The following CDH12 variants were observed in gnomAD, a reference collection of about 807,000 sequenced individuals.
CDH12 encodes the protein cadherin-12.
CDH12 carries 41 observed loss-of-function variants against 74.1 expected under a neutral mutation model. That is an observed-to-expected ratio of 0.55 (90% CI 0.43 to 0.72). CDH12 has a LOEUF of 0.72. Ranked by LOEUF, CDH12 falls within the 30% of genes least tolerant of loss-of-function variation. CDH12 has a pLI of 0.00. For synonymous variants in CDH12, 399 were observed against 355.0 expected, an observed-to-expected ratio of 1.12 and a Z score of -1.39; for missense variants, 945 against 977.2, an observed-to-expected ratio of 0.97 and a Z score of 0.44.
chr5:22,166,818 T>C (rs1336185203), intron 4 of CDH12, among the ~76,000 whole-genome samples: 15 of 152,154 alleles, frequency 9.9e-5, no homozygotes, highest in Non-Finnish European at 2.1e-4. Flanking sequence ...CTTTTAGAAA[T>C]GATCACTCCC....
intron 6 of CDH12, among the ~76,000 whole-genome samples, chr5:21,894,613 A>G (rs1168469899): frequency 3.9e-5 from 6 of 152,150 alleles, no homozygotes; most frequent in Non-Finnish European, 8.8e-5. Flanking sequence ...TTTGAAAGAA[A>G]GAAAATCTTT....
intron 3 of CDH12, among the ~76,000 whole-genome samples, chr5:22,237,327 A>G (rs940104813): frequency 1.3e-5 from 2 of 152,138 alleles, no homozygotes; most frequent in African/African-American, 2.4e-5. Context: ...TGCCCAAACT[A>G]TTCCTCATTT....
intron 8 of CDH12, among the ~76,000 whole-genome samples, chr5:21,834,270 T>C (rs1486424115): frequency 6.6e-6 from 1 of 151,914 alleles, no homozygotes; most frequent in Non-Finnish European, 1.5e-5. Context: ...CTCATATATA[T>C]GAATACACAT....
chr5:22,278,940 T>C (rs1014781673), intron 3 of CDH12, among the ~76,000 whole-genome samples: 3 of 152,148 alleles, frequency 2.0e-5, no homozygotes, highest in African/African-American at 7.2e-5. Flanking sequence ...CTCAAGGATA[T>C]TAAACAGTAA....
At chr5:22,073,760 G>T (rs181366123) in intron 5 of CDH12, among the ~76,000 whole-genome samples, 5 of 152,188 alleles carry the variant, frequency 3.3e-5, no homozygotes, top group African/African-American at 1.2e-4. Flanking sequence ...ATGAACATCT[G>T]ATTCTTTAAA....
chr5:22,399,546 A>G (rs1001021946), intron 3 of CDH12, among the ~76,000 whole-genome samples: 1 of 152,116 alleles, frequency 6.6e-6, no homozygotes, highest in Non-Finnish European at 1.5e-5. Context: ...AGAGCACATA[A>G]TGGACAAAAA....
At chr5:21,798,249 A>ATG (rs55704091) in intron 10 of CDH12, among the ~76,000 whole-genome samples, 2,725 of 148,878 alleles carry the variant, frequency 0.018, 39 homozygotes, top group African/African-American at 0.031. Flanking sequence ...GTATATGTGG[A>ATG]TGTGTGTGTG....
At chr5:22,308,784 C>G (rs1251832668) in intron 3 of CDH12, among the ~76,000 whole-genome samples, 1 of 147,844 alleles carries the variant, frequency 6.8e-6, no homozygotes, top group Non-Finnish European at 1.5e-5. Flanking sequence ...CAGCCTACAA[C>G]AATGCCCACA....
intron 4 of CDH12, among the ~76,000 whole-genome samples, chr5:22,087,244 T>C (rs546341811): frequency 1.3e-5 from 2 of 152,242 alleles, no homozygotes; most frequent in East Asian, 1.9e-4. Context: ...TAATATAAGA[T>C]GTACAGAAGA....
At chr5:21,962,154 CA>C (rs1457006078) in intron 6 of CDH12, among the ~76,000 whole-genome samples, 7 of 152,234 alleles carry the variant, frequency 4.6e-5, no homozygotes, top group African/African-American at 1.7e-4. Flanking sequence ...AAAACACTGG[CA>C]ATTATTTCTT....
chr5:22,721,595 G>A (rs1043166852), intron 1 of CDH12, among the ~76,000 whole-genome samples: 1 of 152,168 alleles, frequency 6.6e-6, no homozygotes, highest in African/African-American at 2.4e-5. Flanking sequence ...GAGGACTGTT[G>A]AGAAGGCATG....
chr5:22,745,818 G>T (rs1443963562), intron 1 of CDH12, among the ~76,000 whole-genome samples: 1 of 152,032 alleles, frequency 6.6e-6, no homozygotes, highest in Admixed American at 6.6e-5. Flanking sequence ...TGGGTACGAG[G>T]CTTAATACCT....
intron 1 of CDH12, among the ~76,000 whole-genome samples, chr5:22,568,852 T>A (rs1225293190): frequency 6.6e-6 from 1 of 152,184 alleles, no homozygotes; most frequent in Non-Finnish European, 1.5e-5. Context: ...ATACCTTAAT[T>A]AAAAATGATT....
chr5:22,567,640 G>A (rs1050354464), intron 1 of CDH12, among the ~76,000 whole-genome samples: 6 of 150,556 alleles, frequency 4.0e-5, no homozygotes, highest in African/African-American at 1.2e-4. Flanking sequence ...TAATAATCAG[G>A]CAAACTGAAC....
chr5:22,178,967 G>A (rs1749486906), intron 4 of CDH12, among the ~76,000 whole-genome samples: 1 of 152,220 alleles, frequency 6.6e-6, no homozygotes, highest in South Asian at 2.1e-4. Context: ...TGTGAGGTGA[G>A]GACTCAAGTG....
At chr5:22,418,798 T>A (rs1743509135) in intron 2 of CDH12, among the ~76,000 whole-genome samples, 1 of 152,016 alleles carries the variant, frequency 6.6e-6, no homozygotes, top group Non-Finnish European at 1.5e-5. Flanking sequence ...GCAGGAGAAT[T>A]GCTTGAACCT....
chr5:22,810,119 T>C (rs1749061327), intron 1 of CDH12, among the ~76,000 whole-genome samples: 1 of 152,200 alleles, frequency 6.6e-6, no homozygotes, highest in African/African-American at 2.4e-5. Context: ...AAATCATTAG[T>C]TTGTATTTAT....
chr5:21,911,802 CAT>C (rs1276043058), intron 6 of CDH12, among the ~76,000 whole-genome samples: 1 of 152,062 alleles, frequency 6.6e-6, no homozygotes, highest in Non-Finnish European at 1.5e-5. Flanking sequence ...AGTTAATTCT[CAT>C]GTGTAGTACA....
intron 5 of CDH12, among the ~76,000 whole-genome samples, chr5:21,977,635 C>T (rs1757126832): frequency 6.6e-6 from 1 of 152,058 alleles, no homozygotes; most frequent in East Asian, 1.9e-4. Context: ...ATAACTGTTT[C>T]CTTTGCAAAC....
Sources: gnomAD v4.1 joint callset for allele counts (sites outside exome capture counted in the v4.1 genomes callset) on GRCh38, gnomAD v4.1.1 for gene constraint, MANE v1.5 for transcripts, NCBI Gene and HGNC (gene_info 2026-07-23, HGNC 2026-07-21) for gene names.